KAZN: variants seen among roughly 807,000 people sequenced by gnomAD.
The protein encoded by KAZN is kazrin, periplakin interacting protein.
KAZN carries 40 observed loss-of-function variants against 87.4 expected under a neutral mutation model. The observed-to-expected ratio is 0.46, with a 90% CI of 0.36 to 0.60. KAZN has a LOEUF of 0.60. Ranked by LOEUF, KAZN falls within the 20% of genes least tolerant of loss-of-function variation. KAZN has a pLI of 0.00. For missense variants in KAZN, 898 were observed against 1,073.9 expected, an observed-to-expected ratio of 0.84 and a Z score of 2.29; for synonymous variants, 466 against 458.3, an observed-to-expected ratio of 1.02 and a Z score of -0.22.
At chr1:14,896,031 A>C (rs1655224788) in intron 1 of KAZN, among the ~76,000 whole-genome samples, 1 of 146,692 alleles carries the variant, frequency 6.8e-6, no homozygotes, top group Non-Finnish European at 1.5e-5. Flanking sequence ...AGTACAAATG[A>C]AAAAGACGCC....
chr1:14,743,183 G>A (rs1371856472), intron 1 of KAZN, among the ~76,000 whole-genome samples: 1 of 152,172 alleles, frequency 6.6e-6, no homozygotes, highest in African/African-American at 2.4e-5. Context: ...TGTAATCCCA[G>A]CACTTTGGGA....
chr1:15,077,271 G>A lies in KAZN; in HGVS notation c.1222+11518G>A, dbSNP rs1375665415. On this transcript the variant is annotated intron_variant, in intron 8 of 14. Coordinates refer to ENST00000376030, the MANE Select transcript of KAZN (RefSeq NM_201628.3). This position sits in a 1 kb window ranked among gnomAD's most constrained non-coding sequence, Gnocchi z 4.8. ...TAGATTCTCTCTCTGTGGACACCTC[G>A]TGCTCTGACAGTCCCTGGTCTTCCC... is the stretch of plus-strand genomic sequence containing the variant. Among the ~76,000 whole-genome samples the A allele has an allele frequency of 2.6e-5, 4 of 152,048 alleles. No individual in the cohort carries two copies. The highest frequency in any genetic ancestry group is 9.7e-5 in the African/African-American group (4 of 41,406).
intron 1 of KAZN, among the ~76,000 whole-genome samples, chr1:14,636,419 C>T (rs1679987969): frequency 6.6e-6 from 1 of 152,192 alleles, no homozygotes; most frequent in African/African-American, 2.4e-5. Flanking sequence ...GATAGACAGA[C>T]ATGCTTGAGC....
intron 2 of KAZN, among the ~76,000 whole-genome samples, chr1:14,538,073 G>A (rs138615911): frequency 1.2e-4 from 18 of 152,222 alleles, no homozygotes; most frequent in African/African-American, 2.2e-4. Flanking sequence ...ATTGATGACC[G>A]GCCAAGGACC....
chr1:14,644,133 T>C (rs1680625059), intron 1 of KAZN, among the ~76,000 whole-genome samples: 1 of 147,640 alleles, frequency 6.8e-6, no homozygotes, highest in Non-Finnish European at 1.5e-5. Context: ...CATCTCAGCC[T>C]CCCAAGTAGC....
chr1:14,170,987 C>T (rs572891652), intron 1 of KAZN, among the ~76,000 whole-genome samples: 28 of 152,296 alleles, frequency 1.8e-4, no homozygotes, highest in Non-Finnish European at 2.5e-4. Flanking sequence ...GCTGGGATTA[C>T]GGGTGTGAGC....
chr1:14,825,092 T>G (rs1001406069), intron 1 of KAZN, among the ~76,000 whole-genome samples: 1 of 152,246 alleles, frequency 6.6e-6, no homozygotes, highest in African/African-American at 2.4e-5. Context: ...CTTTTCCCAC[T>G]GCCCCAGGCC....
Position 15,017,068 on chromosome 1 carries a change from C to T in KAZN, c.419-17681C>T, listed in dbSNP as rs561841195. On this transcript the variant is annotated intron_variant, in intron 2 of 14. Transcript: ENST00000376030. ...ATCGCAGCACTTTGGGAGGCTGAGGCGGGCGGATCACCTGAGGTCAGGAGT... is the reference window on the plus strand; with the variant it reads ...ATCGCAGCACTTTGGGAGGCTGAGGTGGGCGGATCACCTGAGGTCAGGAGT... Among the ~76,000 whole-genome samples the T allele has an allele frequency of 1.5e-3, 234 of 151,562 alleles. 1 individual carries two copies. The highest frequency in any genetic ancestry group is 5.3e-3 in the African/African-American group (217 of 41,046).
In KAZN at chr1:14,828,023, A is replaced by C. The variant is rs1009587440; in HGVS notation, c.227-132661A>C. Among the ~76,000 whole-genome samples, 6 of 152,238 alleles carry C rather than the reference A, an allele frequency of 3.9e-5. No individual in the cohort carries two copies. In the East Asian group the frequency reaches 1.2e-3, roughly 29 times the overall value. ...AACAGAGGTCCAATGCTTAAGCCAG[A>C]GATGACAAATACTAGCACACAGGGC... On this transcript the variant is annotated intron_variant, in intron 1 of 14. Coordinates refer to ENST00000376030, the MANE Select transcript of KAZN (RefSeq NM_201628.3).
chr1:14,522,206 T>C (rs1053853883), intron 2 of KAZN, among the ~76,000 whole-genome samples: 1 of 152,164 alleles, frequency 6.6e-6, no homozygotes, highest in African/African-American at 2.4e-5. Flanking sequence ...TCTCCTGGCA[T>C]AGGCACGGCT....
intron 2 of KAZN, among the ~76,000 whole-genome samples, chr1:14,993,651 G>A (rs10803335): frequency 0.37 from 55,520 of 151,930 alleles, 11,326 homozygotes; most frequent in African/African-American, 0.54. Flanking sequence ...TGGGAGGGGG[G>A]TGATCGCGCT....
chr1:14,600,485 C>T (rs1026549287), intron 1 of KAZN, among the ~76,000 whole-genome samples: 1 of 152,080 alleles, frequency 6.6e-6, no homozygotes, highest in African/African-American at 2.4e-5. Context: ...TAACTTGGTA[C>T]TCCCGGAGCC....
At chr1:14,113,603 G>A (rs1644546517) in intron 1 of KAZN, among the ~76,000 whole-genome samples, 1 of 152,142 alleles carries the variant, frequency 6.6e-6, no homozygotes. Context: ...ACTTAAAGAG[G>A]TTGAGTCACT....
At chr1:14,263,137 T>G (rs1351770234) in intron 2 of KAZN, among the ~76,000 whole-genome samples, 3 of 152,196 alleles carry the variant, frequency 2.0e-5, no homozygotes, top group Admixed American at 6.5e-5. Context: ...GTTTACCAAG[T>G]TTTTTGAAGA....
At chr1:14,596,395 T>G (rs901358341), upstream of KAZN, among the ~76,000 whole-genome samples, 6 of 152,114 alleles carry the variant, frequency 3.9e-5, no homozygotes, top group Non-Finnish European at 8.8e-5. Flanking sequence ...TTCCAAAACA[T>G]TCCCATCCTC....
At chr1:14,629,194 G>A (rs1276210110) in intron 1 of KAZN, among the ~76,000 whole-genome samples, 3 of 152,146 alleles carry the variant, frequency 2.0e-5, no homozygotes, top group Non-Finnish European at 4.4e-5. Flanking sequence ...GGCAGGGGGA[G>A]GATGGAGTGT....
intron 1 of KAZN, among the ~76,000 whole-genome samples, chr1:14,792,343 G>C (rs1349361362): frequency 1.3e-5 from 2 of 152,180 alleles, no homozygotes; most frequent in African/African-American, 4.8e-5. Context: ...TCCAACAACA[G>C]ATGTATGGCT....
chr1:14,788,195 C>T (rs1645568042), intron 1 of KAZN, among the ~76,000 whole-genome samples: 1 of 152,182 alleles, frequency 6.6e-6, no homozygotes, highest in Non-Finnish European at 1.5e-5. Context: ...CTCAGTGCTA[C>T]CATCCTACCC....
chr1:14,926,510 G>C (rs1659187285), intron 1 of KAZN, among the ~76,000 whole-genome samples: 1 of 152,220 alleles, frequency 6.6e-6, no homozygotes, highest in African/African-American at 2.4e-5. Context: ...CATGAAACAA[G>C]ATCAGACCAG....
Sources: allele counts gnomAD v4.1 joint callset (sites outside exome capture counted in the v4.1 genomes callset), GRCh38; gene constraint gnomAD v4.1.1; non-coding constraint Gnocchi (gnomAD v3.1); transcripts MANE v1.5; gene names NCBI Gene and HGNC (gene_info 2026-07-23, HGNC 2026-07-21).